KCNQ5: variants seen among roughly 807,000 people sequenced by gnomAD.
KCNQ5 encodes potassium voltage-gated channel subfamily KQT member 5.
A neutral mutation model predicts 98.2 loss-of-function variants in KCNQ5; 30 were observed. The ratio of observed to expected loss-of-function variants is 0.31; its 90% CI spans 0.23 to 0.41. KCNQ5 has a LOEUF of 0.41. Ranked by LOEUF, KCNQ5 falls within the 10% of genes least tolerant of loss-of-function variation. KCNQ5 has a pLI of 1.00. For synonymous variants in KCNQ5, 458 were observed against 449.4 expected, an observed-to-expected ratio of 1.02 and a Z score of -0.24; for missense variants, 835 against 1,182.5, an observed-to-expected ratio of 0.71 and a Z score of 4.31.
intron 1 of KCNQ5, among the ~76,000 whole-genome samples, chr6:72,717,256 A>G (rs755492372): frequency 1.1e-4 from 17 of 152,344 alleles, no homozygotes; most frequent in Non-Finnish European, 2.5e-4. Context: ...GGTTGAGCCA[A>G]TCAACAGTAA....
At chr6:72,827,365 T>A (rs1285890129) in intron 1 of KCNQ5, among the ~76,000 whole-genome samples, 4 of 152,122 alleles carry the variant, frequency 2.6e-5, no homozygotes, top group African/African-American at 4.8e-5. Context: ...ACAGTTCCCT[T>A]TTCTCCACAC....
At chr6:72,915,490 G>A (rs528786825) in intron 1 of KCNQ5, among the ~76,000 whole-genome samples, 133 of 152,154 alleles carry the variant, frequency 8.7e-4, no homozygotes, top group Admixed American at 2.2e-3. Context: ...GGCTTCCATA[G>A]TGAGTAATTT....
At position 72,792,591 on chromosome 6, in the gene KCNQ5, CT is replaced by C. The variant is rs202094384; in HGVS notation, c.398+170007del. On this transcript the variant is annotated intron_variant, in intron 1 of 13. Transcript: ENST00000370398. The stretch of plus-strand genomic sequence containing the variant: ...TTAATTTAGAATTTTTTTCAACTGA[CT>C]TTGAGTTGCTGTTACAATTCAACCT... 1.3e-5 allele frequency among the ~76,000 whole-genome samples: 2 copies of C among 152,124 alleles called. 1 individual carries two copies. Among genetic ancestry groups the C allele is most frequent in the African/African-American group, 4.8e-5 (2 of 41,428 alleles).
intron 10 of KCNQ5, chr6:73,135,573 C>G (rs530536654): frequency 3.9e-5 from 6 of 152,156 alleles, no homozygotes; most frequent in Non-Finnish European, 8.8e-5. Flanking sequence ...TCACCTAACA[C>G]CTTTCCTTAA....
Position 72,962,818 on chromosome 6 carries a change from C to G in KCNQ5, c.399-41090C>G, listed in dbSNP as rs560119410. On this transcript the variant is annotated intron_variant, in intron 1 of 13. Coordinates refer to ENST00000370398, the MANE Select transcript of KCNQ5 (RefSeq NM_019842.4). ...CTTGCTTCTCAAGGCCACACACTGT[C>G]CCTCTGCAAAGGACCTTATGCTTGC... 2.0e-5 allele frequency among the ~76,000 whole-genome samples: 3 copies of G among 152,272 alleles called. No individual in the cohort carries two copies. In the South Asian group the frequency reaches 6.2e-4, roughly 32 times the overall value.
chr6:73,054,335 A>G (rs1013474864), intron 3 of KCNQ5, among the ~76,000 whole-genome samples: 2 of 152,058 alleles, frequency 1.3e-5, no homozygotes, highest in African/African-American at 2.4e-5. Flanking sequence ...CTCCTCCCTA[A>G]CTATGAAACC....
At chr6:73,189,396 A>C (rs74824525) in intron 11 of KCNQ5, among the ~76,000 whole-genome samples, 1,868 of 152,350 alleles carry the variant, frequency 0.012, 17 homozygotes, top group East Asian at 0.024. Context: ...TAATAATACA[A>C]TTGCAAGGTA....
At chr6:72,894,246 C>T (rs1371222151) in intron 1 of KCNQ5, among the ~76,000 whole-genome samples, 1 of 152,122 alleles carries the variant, frequency 6.6e-6, no homozygotes, top group Non-Finnish European at 1.5e-5. Flanking sequence ...AGCTTATACT[C>T]ACCTCTACAC....
chr6:72,970,172 T>C (rs1016003983), intron 1 of KCNQ5, among the ~76,000 whole-genome samples: 1 of 152,092 alleles, frequency 6.6e-6, no homozygotes. Context: ...GGTGAGGGGA[T>C]CACTTGAGCC....
chr6:73,139,712 T>C (rs1776627245), intron 10 of KCNQ5, among the ~76,000 whole-genome samples: 1 of 152,024 alleles, frequency 6.6e-6, no homozygotes, highest in African/African-American at 2.4e-5. Flanking sequence ...CAAAAATAAA[T>C]AAATTAGTAT....
At chr6:73,099,309 T>C (rs1057153917) in intron 5 of KCNQ5, among the ~76,000 whole-genome samples, 4 of 152,114 alleles carry the variant, frequency 2.6e-5, no homozygotes, top group African/African-American at 2.4e-5. Flanking sequence ...TCCTTACTTA[T>C]CCATAATAAC....
chr6:73,124,562 C>T (rs371352829), intron 9 of KCNQ5, 50 bp downstream of exon 9: 58 of 1,546,232 alleles, frequency 3.8e-5, no homozygotes, highest in Non-Finnish European at 5.2e-5. Context: ...CTGATACCTA[C>T]CAGGTGTTTT....
intron 3 of KCNQ5, among the ~76,000 whole-genome samples, chr6:73,063,686 T>TAGATAGATGATAGATAGATAGATAGATA (rs55995543): frequency 1.3e-4 from 12 of 93,286 alleles, no homozygotes; most frequent in South Asian, 9.2e-4. Context: ...GATAGATAGA[T>TAGATAGATGATAGATAGATAGATAGATA]GATAGATAGA....
chr6:72,837,785 T>C, intron 1 of KCNQ5, among the ~76,000 whole-genome samples: 1 of 137,506 alleles, frequency 7.3e-6, no homozygotes, highest in East Asian at 1.9e-4. Context: ...ACATGTTATA[T>C]ATACATGTTA....
Position 72,820,997 on chromosome 6 carries a change from A to G in KCNQ5, c.399-182911A>G, listed in dbSNP as rs1008415825. On this transcript the variant is annotated intron_variant, in intron 1 of 13. Coordinates refer to ENST00000370398, the MANE Select transcript of KCNQ5 (RefSeq NM_019842.4). ...GCTGATATATGGATAATGGCAAAGC[A>G]TGTTGTGACATGGATGCAAGGGCAG... Among the ~76,000 whole-genome samples the G allele has an allele frequency of 3.9e-5, 6 of 152,352 alleles. No individual in the cohort carries two copies. In the East Asian group the frequency reaches 9.6e-4, roughly 24 times the overall value.
At chr6:72,938,572 A>G (rs1444485153) in intron 1 of KCNQ5, among the ~76,000 whole-genome samples, 1 of 151,388 alleles carries the variant, frequency 6.6e-6, no homozygotes, top group Admixed American at 6.6e-5. Flanking sequence ...TTTAGTAGAG[A>G]TGGGGTTTCA....
chr6:73,173,789 G>GA lies in KCNQ5; in HGVS notation c.1577+3935_1577+3936insA, dbSNP rs1778104026. Among the ~76,000 whole-genome samples the GA allele has an allele frequency of 2.8e-4, 38 of 137,076 alleles. 1 individual carries two copies. The highest frequency in any genetic ancestry group is 4.4e-4 in the East Asian group (2 of 4,544). 89.9% of individuals were successfully genotyped at this position (137,076 alleles called of 152,430 possible). A position where few individuals can be genotyped will look rare whatever the true frequency, so the allele number is the denominator to read the frequency against. On this transcript the variant is annotated intron_variant, in intron 11 of 13. Transcript: ENST00000370398. ...ACATGGTGAAACCCTGTCTCTAAAGGGAAAAAAAAAAAAGAATGACACTAA... is the reference window on the plus strand; with the variant it reads ...ACATGGTGAAACCCTGTCTCTAAAGGAGAAAAAAAAAAAAGAATGACACTAA...
chr6:72,700,775 T>C (rs1768765024), intron 1 of KCNQ5, among the ~76,000 whole-genome samples: 1 of 152,146 alleles, frequency 6.6e-6, no homozygotes, highest in African/African-American at 2.4e-5. Flanking sequence ...CACCGGCACA[T>C]TCCCAGCACA....
intron 1 of KCNQ5, among the ~76,000 whole-genome samples, chr6:72,812,151 T>C (rs1032168286): frequency 3.3e-5 from 5 of 152,172 alleles, no homozygotes; most frequent in Non-Finnish European, 7.3e-5. Context: ...GCCGTCTTTG[T>C]TTTGGTGGGT....
Sources: gnomAD v4.1 joint callset for allele counts (sites outside exome capture counted in the v4.1 genomes callset) on GRCh38, gnomAD v4.1.1 for gene constraint, MANE v1.5 for transcripts, NCBI Gene and HGNC (gene_info 2026-07-23, HGNC 2026-07-21) for gene names.